TTBK2: variants seen among roughly 807,000 people sequenced by gnomAD.
The protein encoded by TTBK2 is tau-tubulin kinase 2.
A neutral mutation model predicts 110.8 loss-of-function variants in TTBK2; 28 were observed. The observed-to-expected ratio is 0.25, with a 90% CI of 0.19 to 0.35. The LOEUF (loss-of-function observed/expected upper bound fraction) is 0.35, where lower values mean the gene tolerates loss of function less well. TTBK2 is among the 10% of genes least tolerant of loss of function. TTBK2 has a pLI of 1.00. For missense variants in TTBK2, 1,369 were observed against 1,500.3 expected (o/e 0.91, Z 1.45); for synonymous variants, 532 against 527.3 (o/e 1.01, Z -0.12).
chr15:42,772,350 G>A lies in TTBK2; in HGVS notation c.1998+2785C>T, dbSNP rs558787419. Reference sequence around the variant, plus strand: ...GGCTAACAGCCAGTAAGGAACTGAGGCCTGCCAACAGTCATGTGAGTGAGC... The same window carrying A: ...GGCTAACAGCCAGTAAGGAACTGAGACCTGCCAACAGTCATGTGAGTGAGC... On this transcript the variant is annotated intron_variant, in intron 13 of 14. Coordinates refer to ENST00000267890, the MANE Select transcript of TTBK2 (RefSeq NM_173500.4). Among the ~76,000 whole-genome samples, 11 of 152,186 alleles carry A rather than the reference G, an allele frequency of 7.2e-5. No homozygotes were observed. The East Asian group carries it at 2.1e-3, about 30-fold the overall frequency.
chr15:42,775,535 T>C lies in TTBK2; in HGVS notation c.1598A>G (p.Asn533Ser), dbSNP rs751818995. The change falls in exon 13 of 15, where the codon AAT becomes AGT. Residue 533 changes from asparagine (N) to serine (S), a missense_variant. Asn to Ser is a conservative substitution (Grantham distance 46). Transcript: ENST00000267890. ...GCTCAGGTTAACAGCTATAAATCCATTGCTGCCACCACCATCTGCCTGCTC... is the reference window on the plus strand; with the variant it reads ...GCTCAGGTTAACAGCTATAAATCCACTGCTGCCACCACCATCTGCCTGCTC... ...TPEQADGGGS[N>S]GFIAVNLSSC... 3.1e-6 allele frequency: 5 copies of C among 1,614,084 alleles called. No individual in the cohort carries two copies. In the African/African-American group the frequency reaches 4.0e-5, roughly 13 times the overall value.
chr15:42,904,879 T>C (rs1281725551), intron 1 of TTBK2, among the ~76,000 whole-genome samples: 1 of 152,104 alleles, frequency 6.6e-6, no homozygotes, highest in African/African-American at 2.4e-5. Flanking sequence ...ATATAATTTT[T>C]TTTTTTTTTT....
chr15:42,897,723 A>G (rs186110321), intron 1 of TTBK2, among the ~76,000 whole-genome samples: 30 of 152,262 alleles, frequency 2.0e-4, no homozygotes, highest in African/African-American at 7.0e-4. Flanking sequence ...AACCCATACA[A>G]GACAGGAGAC....
At chr15:42,818,096 G>A (rs1267974578) in intron 6 of TTBK2, among the ~76,000 whole-genome samples, 1 of 152,020 alleles carries the variant, frequency 6.6e-6, no homozygotes, top group East Asian at 1.9e-4. Flanking sequence ...TTTTTTAAGA[G>A]ATGAGGTCTC....
chr15:42,813,470 C>T (rs191867179), intron 7 of TTBK2, among the ~76,000 whole-genome samples: 57 of 151,756 alleles, frequency 3.8e-4, no homozygotes, highest in African/African-American at 9.7e-4. Flanking sequence ...TGCAGTGAGC[C>T]GAGACCATAC....
rs771977308 is a variant in TTBK2, at chr15:42,752,439, G to A, written c.2807C>T (p.Ser936Leu). 9 of 1,614,056 alleles carry A rather than the reference G, an allele frequency of 5.6e-6. No homozygotes were observed. Reference protein sequence around the residue: ...GAPTRKDMVRSSFVTRHSRIP... With the variant: ...GAPTRKDMVRLSFVTRHSRIP... ...TCGGCTGTGTCTAGTTACAAAGGAT[G>A]ACCTAACCATATCCTTCCGGGTTGG... The change falls in exon 14 of 15, where the codon TCA becomes TTA. Residue 936 changes from serine to leucine, a missense_variant. By Grantham distance (145) the Ser-to-Leu change is moderately radical. Coordinates refer to ENST00000267890, the MANE Select transcript of TTBK2 (RefSeq NM_173500.4).
At chr15:42,776,243 C>T (rs1889915373) in intron 12 of TTBK2, among the ~76,000 whole-genome samples, 1 of 152,164 alleles carries the variant, frequency 6.6e-6, no homozygotes. Flanking sequence ...TTCACAGTCC[C>T]TCTAACCTAA....
intron 7 of TTBK2, among the ~76,000 whole-genome samples, chr15:42,812,870 C>T (rs1182113676): frequency 6.6e-6 from 1 of 150,864 alleles, no homozygotes; most frequent in Admixed American, 6.7e-5. Context: ...GGCTTAAAAG[C>T]TGACCAAACA....
intron 13 of TTBK2, among the ~76,000 whole-genome samples, chr15:42,769,560 T>TACC (rs1889560603): frequency 6.6e-6 from 1 of 152,184 alleles, no homozygotes; most frequent in Non-Finnish European, 1.5e-5. Flanking sequence ...CACAGTGAGA[T>TACC]ACCATCTCAC....
rs1567040430 is a variant in TTBK2 at position 42,815,937 on chromosome 15, TATATATATATTTAAAAAAAAA to T, written c.603+1074_603+1094del. Among the ~76,000 whole-genome samples, 123 of 32,008 alleles carry T rather than the reference TATATATATATTTAAAAAAAAA, an allele frequency of 3.8e-3. 3 individuals are homozygous for T. Among genetic ancestry groups the T allele is most frequent in the African/African-American group, 0.02 (117 of 5,926 alleles). The allele number at this position is 32,008 out of a possible 152,430, so 21.0% of individuals were successfully genotyped here. A position where few individuals can be genotyped will look rare whatever the true frequency, so the allele number is the denominator to read the frequency against. ...AAATATATATATATTTAAAAATATA[TATATATATATTTAAAAAAAAA>T]ATATATATATATATATATATTTGAG... On this transcript the variant is annotated intron_variant, in intron 7 of 14. Transcript: ENST00000267890.
intron 4 of TTBK2, among the ~76,000 whole-genome samples, chr15:42,834,196 A>G (rs867803467): frequency 0.046 from 5,685 of 124,058 alleles, 552 homozygotes; most frequent in African/African-American, 0.15. Flanking sequence ...AAAAAAAAAA[A>G]GGGGGGGGGT....
intron 1 of TTBK2, among the ~76,000 whole-genome samples, chr15:42,890,301 C>G: frequency 6.6e-6 from 1 of 152,198 alleles, no homozygotes; most frequent in Non-Finnish European, 1.5e-5. Flanking sequence ...AAATAAACAG[C>G]CTTGTTGCTC....
intron 3 of TTBK2, among the ~76,000 whole-genome samples, chr15:42,858,572 T>G (rs1894033883): frequency 1.3e-5 from 2 of 152,114 alleles, no homozygotes; most frequent in African/African-American, 4.8e-5. Flanking sequence ...GTTCCACAAG[T>G]GAGGAACATG....
At chr15:42,778,752 G>C (rs1462582215) in intron 11 of TTBK2, among the ~76,000 whole-genome samples, 1 of 151,828 alleles carries the variant, frequency 6.6e-6, no homozygotes, top group African/African-American at 2.4e-5. Flanking sequence ...AGATATGATG[G>C]ATACAATAAA....
intron 13 of TTBK2, among the ~76,000 whole-genome samples, chr15:42,763,163 T>TATATATATATAC (rs1889139743): frequency 2.5e-4 from 3 of 11,806 alleles, no homozygotes; most frequent in African/African-American, 1.2e-3. Flanking sequence ...TATACATATA[T>TATATATATATAC]ATATATATAT....
intron 13 of TTBK2, among the ~76,000 whole-genome samples, chr15:42,758,203 T>C (rs894827084): frequency 7.9e-5 from 12 of 152,360 alleles, no homozygotes; most frequent in African/African-American, 2.9e-4. Flanking sequence ...CTCATTTTTG[T>C]TTGTTGACAA....
chr15:42,749,541 A>G (rs1476193374), intron 14 of TTBK2, among the ~76,000 whole-genome samples: 1 of 152,212 alleles, frequency 6.6e-6, no homozygotes, highest in Non-Finnish European at 1.5e-5. Flanking sequence ...GTGGGCAAAA[A>G]GAACCCTGTC....
chr15:42,852,338 G>A (rs1418879138), intron 3 of TTBK2, among the ~76,000 whole-genome samples: 1 of 152,016 alleles, frequency 6.6e-6, no homozygotes, highest in African/African-American at 2.4e-5. Flanking sequence ...CAAAGTGCTG[G>A]GATTACAGGC....
At chr15:42,776,867 C>A in intron 12 of TTBK2, 164 bp downstream of exon 12, 1 of 668,200 alleles carries the variant, frequency 1.5e-6, no homozygotes, top group African/African-American at 1.8e-5. Flanking sequence ...TAATTAAAAA[C>A]ATGGATGAAA....
Sources: allele counts gnomAD v4.1 joint callset (sites outside exome capture counted in the v4.1 genomes callset), GRCh38; gene constraint gnomAD v4.1.1; transcripts MANE v1.5; gene names NCBI Gene and HGNC (gene_info 2026-07-23, HGNC 2026-07-21).